Variants in AGGF1 observed in about 807,000 individuals in gnomAD.
The protein encoded by AGGF1 is angiogenic factor with G patch and FHA domains 1.
AGGF1 carries 56 observed loss-of-function variants against 86.5 expected under a neutral mutation model. The ratio of observed to expected loss-of-function variants is 0.65; its 90% CI spans 0.52 to 0.81. The LOEUF is 0.81. Among genes scored for constraint, AGGF1 ranks in the 30% least tolerant of loss-of-function variants. The probability of loss-of-function intolerance (pLI) is 0.00; values close to 1 mark genes in which losing one functional copy is unlikely to be tolerated. For synonymous variants in AGGF1, 313 were observed against 297.1 expected (o/e 1.05, Z -0.55); for missense variants, 816 against 850.9 (o/e 0.96, Z 0.51).
chr5:77,050,868 A>G (rs1046985925), intron 8 of AGGF1, among the ~76,000 whole-genome samples: 2 of 152,242 alleles, frequency 1.3e-5, no homozygotes, highest in Non-Finnish European at 2.9e-5. Flanking sequence ...TACATCAGGC[A>G]GTTCACAGTA....
At chr5:77,046,030 A>G (rs1233627906) in intron 5 of AGGF1, among the ~76,000 whole-genome samples, 1 of 152,258 alleles carries the variant, frequency 6.6e-6, no homozygotes, top group East Asian at 1.9e-4. Context: ...GGCCTGAACT[A>G]GGAATGTTAA....
rs977449767 is a variant in AGGF1 at position 77,064,377 on chromosome 5, G to T, written c.*1125G>T. 8 of 152,120 alleles carry T rather than the reference G, an allele frequency of 5.3e-5. No individual in the cohort carries two copies. The highest frequency in any genetic ancestry group is 1.2e-4 in the Non-Finnish European group (8 of 68,020). 9.4% of individuals were successfully genotyped at this position (152,120 alleles called of 1,614,324 possible). Reference sequence around the variant, plus strand: ...CTCTAGCTCCCCCATCTACTATAAAGAAATGTCTTCGAGATGTAGAAATAA... The same window carrying T: ...CTCTAGCTCCCCCATCTACTATAAATAAATGTCTTCGAGATGTAGAAATAA... On this transcript the variant is annotated 3_prime_UTR_variant, in exon 14 of 14. Coordinates refer to ENST00000312916, the MANE Select transcript of AGGF1 (RefSeq NM_018046.5).
intron 5 of AGGF1, among the ~76,000 whole-genome samples, chr5:77,042,281 A>C (rs1458262359): frequency 1.3e-5 from 2 of 148,224 alleles, no homozygotes; most frequent in Non-Finnish European, 3.0e-5. Flanking sequence ...TCTATTCCAC[A>C]AAGCCGCCAT....
chr5:77,061,248 G>A (rs980793423), intron 12 of AGGF1, among the ~76,000 whole-genome samples: 6 of 152,090 alleles, frequency 3.9e-5, no homozygotes, highest in African/African-American at 7.2e-5. Flanking sequence ...CTGTCCTCCC[G>A]AAAGGTAATC....
At chr5:77,043,435 G>C in intron 5 of AGGF1, among the ~76,000 whole-genome samples, 1 of 89,588 alleles carries the variant, frequency 1.1e-5, no homozygotes, top group Non-Finnish European at 2.4e-5. Flanking sequence ...AGGGGCGGCC[G>C]GGCAGAGGCG....
chr5:77,059,597 A>C lies in AGGF1; in HGVS notation c.1717-19A>C. 6.3e-7 allele frequency: 1 copy of C among 1,589,940 alleles called. No homozygotes were observed. Among genetic ancestry groups the C allele is most frequent in the East Asian group, 2.2e-5 (1 of 44,720 alleles). ...TTATCAGCTTTCTTTTCCTGAATGA[A>C]TATTTTGTGTTTATTAAGAATACAG... On this transcript the variant is annotated intron_variant, in intron 11 of 13. Coordinates refer to ENST00000312916, the MANE Select transcript of AGGF1 (RefSeq NM_018046.5).
Position 77,055,581 on chromosome 5 carries a change from A to C in AGGF1, c.1701A>C (p.Val567=). 1.3e-6 allele frequency: 2 copies of C among 1,590,780 alleles called. No individual in the cohort carries two copies. The highest frequency in any genetic ancestry group is 1.7e-6 in the Non-Finnish European group (2 of 1,159,610). ...ERRKELKKIR[V]KYGLQNTEYE... ...GAAAAGAATTAAAGAAAATACGAGT[A>C]AAATATGGTTTACAGGTGAGGATGT... The change falls in exon 11 of 14, where the codon GTA becomes GTC. Residue 567 remains valine (V), a synonymous_variant. Transcript: ENST00000312916.
At chr5:77,062,281 A>T (rs770968099) in intron 13 of AGGF1, among the ~76,000 whole-genome samples, 5 of 152,212 alleles carry the variant, frequency 3.3e-5, no homozygotes, top group African/African-American at 1.2e-4. Flanking sequence ...TATCTTTCAC[A>T]CAAACCTTAA....
At chr5:77,050,310 T>C (rs1342205174) in intron 8 of AGGF1, among the ~76,000 whole-genome samples, 4 of 31,070 alleles carry the variant, frequency 1.3e-4, no homozygotes, top group South Asian at 7.1e-4. Flanking sequence ...TTGTTTCTTT[T>C]TTTTTTTTTT....
intron 10 of AGGF1, among the ~76,000 whole-genome samples, chr5:77,054,817 A>G (rs532782640): frequency 6.6e-6 from 1 of 152,278 alleles, no homozygotes; most frequent in Admixed American, 6.5e-5. Flanking sequence ...CCACAGTTGA[A>G]CTCTGTCATA....
chr5:77,059,806 C>A, intron 12 of AGGF1, 63 bp downstream of exon 12: 1 of 1,598,116 alleles, frequency 6.3e-7, no homozygotes, highest in South Asian at 1.1e-5. Flanking sequence ...ATAGGGTGGT[C>A]TGATGTTCAG....
At chr5:77,062,789 T>G (rs141383275) in intron 13 of AGGF1, among the ~76,000 whole-genome samples, 1 of 152,318 alleles carries the variant, frequency 6.6e-6, no homozygotes, top group African/African-American at 2.4e-5. Flanking sequence ...CTAAATGAAA[T>G]TTGGTGATTG....
intron 1 of AGGF1, among the ~76,000 whole-genome samples, chr5:77,033,161 G>A (rs1746903176): frequency 6.6e-6 from 1 of 152,214 alleles, no homozygotes; most frequent in Non-Finnish European, 1.5e-5. Context: ...TGGTTGGGGA[G>A]AGGGTGGATT....
intron 1 of AGGF1, 109 bp from the exon 2 acceptor site, chr5:77,034,309 C>T (rs1746923425): frequency 4.1e-6 from 3 of 726,426 alleles, no homozygotes; most frequent in Admixed American, 4.8e-5. Flanking sequence ...GGGAAACTTG[C>T]TGCTCTTGAC....
intron 5 of AGGF1, among the ~76,000 whole-genome samples, chr5:77,040,396 CA>C (rs1580125587): frequency 6.7e-6 from 1 of 149,464 alleles, no homozygotes; most frequent in South Asian, 2.1e-4. Context: ...AGGCATGAGC[CA>C]CCGCACCCGG....
intron 11 of AGGF1, among the ~76,000 whole-genome samples, chr5:77,057,682 G>C (rs1747485082): frequency 6.6e-6 from 1 of 152,238 alleles, no homozygotes; most frequent in Admixed American, 6.5e-5. Context: ...TCAGAAAGCT[G>C]CCTTCTGGGT....
chr5:77,048,663 T>G (rs1747316499), intron 7 of AGGF1, among the ~76,000 whole-genome samples: 1 of 152,172 alleles, frequency 6.6e-6, no homozygotes, highest in African/African-American at 2.4e-5. Context: ...ATGTTAAGCA[T>G]TATTCTATGT....
At chr5:77,031,238 G>T (rs1362227619) in intron 1 of AGGF1, among the ~76,000 whole-genome samples, 1 of 152,156 alleles carries the variant, frequency 6.6e-6, no homozygotes, top group Non-Finnish European at 1.5e-5. Flanking sequence ...ATTCTCACTT[G>T]ACCTAACATC....
At chr5:77,048,088 C>A in intron 6 of AGGF1, 73 bp from the exon 7 acceptor site, 1 of 938,106 alleles carries the variant, frequency 1.1e-6, no homozygotes, top group Non-Finnish European at 1.8e-6. Flanking sequence ...TTTATGGATG[C>A]CTCCTAGTTA....
Sources: gnomAD v4.1 joint callset for allele counts (sites outside exome capture counted in the v4.1 genomes callset) on GRCh38, gnomAD v4.1.1 for gene constraint, MANE v1.5 for transcripts, NCBI Gene and HGNC (gene_info 2026-07-23, HGNC 2026-07-21) for gene names.